Variants in NEXMIF observed in about 807,000 individuals in gnomAD.
The protein encoded by NEXMIF is XLMR protein related to neurite extension.
In NEXMIF, 8 loss-of-function variants were observed where a neutral mutation model predicts 62.1. That is an observed-to-expected ratio of 0.13 (90% CI 0.08 to 0.23). NEXMIF has a LOEUF of 0.23. Ranked by LOEUF, NEXMIF falls within the 10% of genes least tolerant of loss-of-function variation. The pLI, the probability that NEXMIF is intolerant of heterozygous loss-of-function variation, is 1.00. For synonymous variants in NEXMIF, 404 were observed against 416.6 expected (o/e 0.97, Z 0.37); for missense variants, 976 against 1,113.3 (o/e 0.88, Z 1.75).
In NEXMIF at chrX:74,776,149, A is replaced by AT. The variant is rs1030751894; in HGVS notation, c.-47-30453dup. On this transcript the variant is annotated intron_variant, in intron 1 of 3. Transcript: ENST00000055682. ...AAGTAGAAGGGGAATTTCTCCCAAA[A>AT]TGTGAGCATGTCATCATTTCTCCAT... 4.5e-5 allele frequency among the ~76,000 whole-genome samples: 5 copies of AT among 111,207 alleles called. No individual in the cohort carries two copies. In the Admixed American group the frequency reaches 4.8e-4, roughly 11 times the overall value.
chrX:74,886,813 T>G (rs6647560), intron 1 of NEXMIF, among the ~76,000 whole-genome samples: 12,436 of 103,950 alleles, frequency 0.12, 1,485 homozygotes, highest in East Asian at 0.89. Flanking sequence ...AAAGTTCATA[T>G]GGAACCAAAA....
intron 1 of NEXMIF, among the ~76,000 whole-genome samples, chrX:74,850,829 C>T: frequency 9.1e-6 from 1 of 110,082 alleles, no homozygotes. Context: ...GGAAATATGA[C>T]ACCTCCAAAT....
chrX:74,796,182 C>CATATATATT (rs2080307981), intron 1 of NEXMIF, among the ~76,000 whole-genome samples: 11 of 58,381 alleles, frequency 1.9e-4, no homozygotes, highest in African/African-American at 4.4e-4. Flanking sequence ...TATATATATA[C>CATATATATT]ATATATATTA....
intron 1 of NEXMIF, among the ~76,000 whole-genome samples, chrX:74,781,121 G>A (rs1445706506): frequency 8.9e-6 from 1 of 112,315 alleles, no homozygotes; most frequent in Non-Finnish European, 1.9e-5. Context: ...CTAGGGCCCA[G>A]CTCCCACTTA....
chrX:74,805,929 C>T lies in NEXMIF; in HGVS notation c.-47-60232G>A, dbSNP rs768465791. Reference sequence around the variant, plus strand: ...TAGTATAGTTTGAAGTTGGGTAAGGCGATGCCTCTGGCTTTGCTCTTTTTG... The same window carrying T: ...TAGTATAGTTTGAAGTTGGGTAAGGTGATGCCTCTGGCTTTGCTCTTTTTG... On this transcript the variant is annotated intron_variant, in intron 1 of 3. Transcript: ENST00000055682. Among the ~76,000 whole-genome samples, 3 of 110,943 alleles carry T rather than the reference C, an allele frequency of 2.7e-5. No individual in the cohort carries two copies. In the South Asian group the frequency reaches 1.1e-3, roughly 42 times the overall value.
intron 1 of NEXMIF, among the ~76,000 whole-genome samples, chrX:74,818,236 T>A (rs1569348979): frequency 9.0e-6 from 1 of 111,411 alleles, no homozygotes; most frequent in African/African-American, 3.3e-5. Context: ...TACTACAAGG[T>A]TACAGTAACC....
intron 1 of NEXMIF, among the ~76,000 whole-genome samples, chrX:74,892,399 G>A (rs2080720659): frequency 1.8e-5 from 2 of 111,569 alleles, no homozygotes; most frequent in Admixed American, 1.9e-4. Context: ...TTCTTTCTGG[G>A]TGCTCAGGTC....
At chrX:74,755,437 G>C (rs2080156504) in intron 1 of NEXMIF, among the ~76,000 whole-genome samples, 1 of 110,787 alleles carries the variant, frequency 9.0e-6, no homozygotes, top group Non-Finnish European at 1.9e-5. Flanking sequence ...TCTGTATTTT[G>C]ATTTTACTTT....
At chrX:74,764,837 G>T (rs1035001179) in intron 1 of NEXMIF, among the ~76,000 whole-genome samples, 5 of 111,851 alleles carry the variant, frequency 4.5e-5, no homozygotes, top group African/African-American at 1.6e-4. Flanking sequence ...ATTGTTTTAT[G>T]TCTGATTGTG....
At position 74,741,796 on chromosome X, in the gene NEXMIF, C is replaced by A. The variant is rs1273919417; in HGVS notation, c.2761G>T (p.Val921Leu). 4.1e-6 allele frequency: 5 copies of A among 1,210,487 alleles called. No homozygotes were observed. Among genetic ancestry groups the A allele is most frequent in the Non-Finnish European group, 5.6e-6 (5 of 895,344 alleles). Residue 921 changes from valine (V) to leucine (L), a missense_variant, in exon 3 of 4, where the codon GTA becomes TTA. Physicochemically the swap from Val to Leu is conservative, Grantham distance 32. Around this residue, in one of 5 missense-constraint regions of NEXMIF, gnomAD observed 639 missense variants for 694.5 expected, o/e 0.92. Coordinates refer to ENST00000055682, the MANE Select transcript of NEXMIF (RefSeq NM_001008537.3). ...GTGAGGTTATTTTCCATGGAGACTA[C>A]TTGGGAGGCTCCAAATTCACTGGAT... ...TQSSEFGASQ[V>L]VSMENNLTPT...
chrX:74,833,900 C>T (rs2080447242), intron 1 of NEXMIF, among the ~76,000 whole-genome samples: 1 of 110,478 alleles, frequency 9.1e-6, no homozygotes, highest in African/African-American at 3.3e-5. Context: ...AATTCCAGCA[C>T]TTTGGGAGGC....
intron 1 of NEXMIF, among the ~76,000 whole-genome samples, chrX:74,860,518 T>A (rs2080553324): frequency 8.9e-6 from 1 of 111,832 alleles, no homozygotes; most frequent in South Asian, 3.7e-4. Flanking sequence ...ACAAAACAAG[T>A]CTTAAAACAT....
chrX:74,847,257 A>C (rs1379292526), intron 1 of NEXMIF, among the ~76,000 whole-genome samples: 1 of 112,273 alleles, frequency 8.9e-6, no homozygotes, highest in African/African-American at 3.2e-5. Flanking sequence ...ACTGGGAAGT[A>C]GGTCCCTCTA....
chrX:74,924,627 C>T (rs934650063), intron 1 of NEXMIF, among the ~76,000 whole-genome samples: 2 of 113,711 alleles, frequency 1.8e-5, no homozygotes, highest in Non-Finnish European at 3.7e-5. Context: ...CAACCCCCTT[C>T]CTACGGCGCA....
intron 1 of NEXMIF, among the ~76,000 whole-genome samples, chrX:74,787,234 G>C (rs1438424831): frequency 9.4e-6 from 1 of 106,117 alleles, no homozygotes; most frequent in Non-Finnish European, 1.9e-5. Context: ...GGTGAGCCAA[G>C]ATCACGCCAC....
At chrX:74,919,384 A>T (rs953064778) in intron 1 of NEXMIF, among the ~76,000 whole-genome samples, 2 of 111,424 alleles carry the variant, frequency 1.8e-5, no homozygotes, top group African/African-American at 6.5e-5. Flanking sequence ...AAAGCTCATT[A>T]TACCCTCAAG....
chrX:74,874,443 T>C (rs1389405264), intron 1 of NEXMIF, among the ~76,000 whole-genome samples: 6 of 111,098 alleles, frequency 5.4e-5, no homozygotes, highest in African/African-American at 2.0e-4. Context: ...TCCAGCTTTG[T>C]TCTTTTAGCT....
intron 1 of NEXMIF, among the ~76,000 whole-genome samples, chrX:74,874,378 C>T (rs1403636984): frequency 9.3e-6 from 1 of 107,238 alleles, no homozygotes; most frequent in African/African-American, 3.4e-5. Context: ...CAGTACCATG[C>T]TGTTTTGGTT....
At chrX:74,857,581 A>G (rs925570008) in intron 1 of NEXMIF, among the ~76,000 whole-genome samples, 1 of 111,798 alleles carries the variant, frequency 8.9e-6, no homozygotes, top group Admixed American at 9.5e-5. Flanking sequence ...GAGACCCAGC[A>G]CATTCTCAAT....
Sources: allele counts gnomAD v4.1 joint callset (sites outside exome capture counted in the v4.1 genomes callset), GRCh38; gene constraint gnomAD v4.1.1; regional missense constraint gnomAD v4.1.1; transcripts MANE v1.5; gene names NCBI Gene and HGNC (gene_info 2026-07-23, HGNC 2026-07-21).